KLHL1: variants seen among roughly 807,000 people sequenced by gnomAD.
KLHL1 encodes the protein kelch-like protein 1.
A neutral mutation model predicts 77.7 loss-of-function variants in KLHL1; 47 were observed. The ratio of observed to expected loss-of-function variants is 0.60; its 90% CI spans 0.48 to 0.77. The LOEUF (loss-of-function observed/expected upper bound fraction) is 0.77, where lower values mean the gene tolerates loss of function less well. Among genes scored for constraint, KLHL1 ranks in the 30% least tolerant of loss-of-function variants. The probability of loss-of-function intolerance (pLI) is 0.00; values close to 1 mark genes in which losing one functional copy is unlikely to be tolerated. For missense variants in KLHL1, 925 were observed against 910.8 expected, an observed-to-expected ratio of 1.02 and a Z score of -0.20; for synonymous variants, 360 against 325.2, an observed-to-expected ratio of 1.11 and a Z score of -1.15.
intron 7 of KLHL1, among the ~76,000 whole-genome samples, chr13:69,754,140 C>A (rs767124828): frequency 6.6e-6 from 1 of 151,794 alleles, no homozygotes; most frequent in East Asian, 1.9e-4. Flanking sequence ...TTGCACCCAG[C>A]CAAAAATTAA....
chr13:69,865,167 C>T (rs984691300), intron 5 of KLHL1, among the ~76,000 whole-genome samples: 1 of 152,040 alleles, frequency 6.6e-6, no homozygotes, highest in African/African-American at 2.4e-5. Context: ...AAACTCCTGG[C>T]CTCAAGCAGT....
At chr13:69,975,896 T>A (rs9542143) in intron 1 of KLHL1, 94 bp from the exon 2 acceptor site, 483,200 of 1,347,576 alleles carry the variant, frequency 0.36, 87,371 homozygotes, top group East Asian at 0.43. Flanking sequence ...TTTTATCATT[T>A]TCTTAAGAAA....
At chr13:69,939,988 C>A in intron 4 of KLHL1, 52 bp downstream of exon 4, 8 of 1,356,544 alleles carry the variant, frequency 5.9e-6, no homozygotes, top group Non-Finnish European at 6.0e-6. Context: ...ATTATTTTTA[C>A]CTCTGATAAC....
chr13:70,005,265 T>TA (rs951288436), intron 1 of KLHL1, among the ~76,000 whole-genome samples: 3 of 151,906 alleles, frequency 2.0e-5, no homozygotes, highest in Non-Finnish European at 4.4e-5. Context: ...TGAGCAATAG[T>TA]AAAAAAATGC....
chr13:70,043,034 T>G (rs1229662826), intron 1 of KLHL1, among the ~76,000 whole-genome samples: 1 of 151,662 alleles, frequency 6.6e-6, no homozygotes, highest in East Asian at 1.9e-4. Flanking sequence ...GCCTACTGAG[T>G]AGCTGGGATT....
At chr13:69,921,837 C>A (rs182414399) in intron 4 of KLHL1, among the ~76,000 whole-genome samples, 2 of 149,522 alleles carry the variant, frequency 1.3e-5, no homozygotes, top group Non-Finnish European at 3.0e-5. Flanking sequence ...CAAGGTTATA[C>A]AAAAGCATAG....
intron 4 of KLHL1, among the ~76,000 whole-genome samples, chr13:69,932,031 G>A (rs906555992): frequency 6.6e-6 from 1 of 151,440 alleles, no homozygotes; most frequent in African/African-American, 2.4e-5. Flanking sequence ...TTAAGATTAT[G>A]ATATCTAATT....
At chr13:69,975,912 T>C in intron 1 of KLHL1, 110 bp from the exon 2 acceptor site, 3 of 1,265,314 alleles carry the variant, frequency 2.4e-6, no homozygotes, top group Non-Finnish European at 3.1e-6. Context: ...AGAAAACTAA[T>C]ATATCTGTGT....
At chr13:69,962,456 T>C (rs912488222) in intron 2 of KLHL1, among the ~76,000 whole-genome samples, 1 of 152,076 alleles carries the variant, frequency 6.6e-6, no homozygotes, top group Non-Finnish European at 1.5e-5. Context: ...CTTCTTTCTC[T>C]TTCCTTACAG....
At chr13:69,943,721 T>C (rs527855177) in intron 3 of KLHL1, among the ~76,000 whole-genome samples, 1 of 152,306 alleles carries the variant, frequency 6.6e-6, no homozygotes, top group South Asian at 2.1e-4. Flanking sequence ...TTAAAATCTG[T>C]TATTAATTTT....
At chr13:69,722,196 G>A (rs1470813358) in intron 8 of KLHL1, among the ~76,000 whole-genome samples, 1 of 151,812 alleles carries the variant, frequency 6.6e-6, no homozygotes, top group Non-Finnish European at 1.5e-5. Flanking sequence ...ACTTCAAGCT[G>A]CTTTATTTAT....
At chr13:69,939,739 C>T (rs960465476) in intron 4 of KLHL1, among the ~76,000 whole-genome samples, 3 of 151,776 alleles carry the variant, frequency 2.0e-5, no homozygotes, top group Non-Finnish European at 4.4e-5. Context: ...GCGCCCCTCT[C>T]CTCATACCTC....
intron 5 of KLHL1, among the ~76,000 whole-genome samples, chr13:69,850,706 C>T (rs1879651879): frequency 6.6e-6 from 1 of 151,674 alleles, no homozygotes; most frequent in East Asian, 1.9e-4. Flanking sequence ...AAAACATACA[C>T]ATTGATCATT....
chr13:69,966,529 T>G (rs1280727128), intron 2 of KLHL1, among the ~76,000 whole-genome samples: 2 of 152,172 alleles, frequency 1.3e-5, no homozygotes, highest in South Asian at 4.1e-4. Context: ...TGCTAACACA[T>G]CCATTGTACA....
chr13:70,022,521 T>C (rs1304831298), intron 1 of KLHL1, among the ~76,000 whole-genome samples: 8 of 151,868 alleles, frequency 5.3e-5, no homozygotes, highest in Admixed American at 1.3e-4. Context: ...CTTAATACAA[T>C]ATGGTGATCA....
chr13:69,929,919 C>T (rs1267329188), intron 4 of KLHL1, among the ~76,000 whole-genome samples: 1 of 151,770 alleles, frequency 6.6e-6, no homozygotes, highest in Non-Finnish European at 1.5e-5. Context: ...ATAATGTTGT[C>T]TGATATTGAA....
intron 1 of KLHL1, among the ~76,000 whole-genome samples, chr13:70,021,856 G>A (rs1885806464): frequency 6.6e-6 from 1 of 151,792 alleles, no homozygotes; most frequent in Non-Finnish European, 1.5e-5. Flanking sequence ...GTTTTATATT[G>A]TTGAGCTTTA....
At chr13:70,076,679 TA>T (rs1475145996) in intron 1 of KLHL1, among the ~76,000 whole-genome samples, 5 of 151,758 alleles carry the variant, frequency 3.3e-5, no homozygotes, top group African/African-American at 1.2e-4. Flanking sequence ...TTTCTCTCTG[TA>T]AAAGAATCAG....
intron 1 of KLHL1, among the ~76,000 whole-genome samples, chr13:70,045,279 A>T (rs977692314): frequency 6.6e-6 from 1 of 152,038 alleles, no homozygotes; most frequent in Non-Finnish European, 1.5e-5. Context: ...GCACAAATAC[A>T]TCCTTTTTTG....
Sources: allele counts gnomAD v4.1 joint callset (sites outside exome capture counted in the v4.1 genomes callset), GRCh38; gene constraint gnomAD v4.1.1; transcripts MANE v1.5; gene names NCBI Gene and HGNC (gene_info 2026-07-23, HGNC 2026-07-21).